The following ATP13A3 variants were observed in gnomAD, a reference collection of about 807,000 sequenced individuals.
ATP13A3 encodes the protein polyamine-transporting ATPase 13A3.
ATP13A3 carries 59 observed loss-of-function variants against 158.1 expected under a neutral mutation model. That is an observed-to-expected ratio of 0.37 (90% CI 0.30 to 0.46). The LOEUF is 0.46. Among genes scored for constraint, ATP13A3 ranks in the 20% least tolerant of loss-of-function variants. The pLI, the probability that ATP13A3 is intolerant of heterozygous loss-of-function variation, is 1.00. For synonymous variants in ATP13A3, 491 were observed against 504.3 expected, an observed-to-expected ratio of 0.97 and a Z score of 0.35; for missense variants, 1,166 against 1,525.2, an observed-to-expected ratio of 0.76 and a Z score of 3.92.
chr3:194,439,190 T>C (rs1423049633), intron 16 of ATP13A3, among the ~76,000 whole-genome samples: 8 of 152,112 alleles, frequency 5.3e-5, no homozygotes, highest in African/African-American at 1.9e-4. Context: ...TAGCAACCCA[T>C]GGGAGAAGGG....
Position 194,453,762 on chromosome 3 carries a change from T to C in ATP13A3, c.782A>G (p.His261Arg). ...GGTACTATGAGTTGCCACCATGTCA[T>C]GCAACATAACATATTGCTGAAAGAG... Reference protein sequence around the residue: ...YSIRKQYVMLHDMVATHSTVR... With the variant: ...YSIRKQYVMLRDMVATHSTVR... Residue 261 changes from histidine to arginine, a missense_variant, in exon 10 of 34, where the codon CAT (histidine) becomes CGT (arginine). By Grantham distance (29) the His-to-Arg change is conservative. Coordinates refer to ENST00000645319, the MANE Select transcript of ATP13A3 (RefSeq NM_001367549.1). 6.2e-7 allele frequency: 1 copy of C among 1,613,686 alleles called. No homozygotes were observed. Among genetic ancestry groups the C allele is most frequent in the Non-Finnish European group, 8.5e-7 (1 of 1,179,678 alleles).
intron 8 of ATP13A3, among the ~76,000 whole-genome samples, chr3:194,454,810 C>T (rs940786652): frequency 6.9e-5 from 10 of 145,302 alleles, no homozygotes; most frequent in African/African-American, 2.6e-5. Flanking sequence ...GGAGACAGAG[C>T]GAGACTCCGT....
At chr3:194,414,985 T>C (rs1577026988) in intron 31 of ATP13A3, among the ~76,000 whole-genome samples, 1 of 152,118 alleles carries the variant, frequency 6.6e-6, no homozygotes, top group East Asian at 1.9e-4. Flanking sequence ...CTAGGGGATA[T>C]CACCAGAATG....
chr3:194,436,988 C>A (rs1577054918), intron 20 of ATP13A3, 107 bp downstream of exon 20: 2 of 1,315,054 alleles, frequency 1.5e-6, no homozygotes, highest in East Asian at 2.3e-5. Context: ...TATTAGATAT[C>A]TTTTCATACA....
In ATP13A3 at chr3:194,410,325, A is replaced by AAAAC. The variant is rs1560066831; in HGVS notation, c.3573+1873_3573+1874insGTTT. On this transcript the variant is annotated intron_variant, in intron 33 of 33. Transcript: ENST00000645319. ...AAAAAAAAAAAAAAAAAAAAAAAAA[A>AAAAC]AAAAAACTGCTGGGCCTGGGATGGC... Among the ~76,000 whole-genome samples the AAAAC allele has an allele frequency of 1.0e-4, 15 of 146,742 alleles. No individual in the cohort carries two copies. In the South Asian group the frequency reaches 1.3e-3, roughly 13 times the overall value.
chr3:194,483,757 A>T (rs1273553368), intron 2 of ATP13A3, among the ~76,000 whole-genome samples: 1 of 152,234 alleles, frequency 6.6e-6, no homozygotes, highest in East Asian at 1.9e-4. Context: ...GGTAACACCA[A>T]GAAGAAATTT....
chr3:194,454,167 T>C lies in ATP13A3; in HGVS notation c.765+91A>G, dbSNP rs1280890584. ...ACTAAAATAATGACTGCATTGAGAA[T>C]TTACTTTGTGCTGAGTACTATTCTA... is the stretch of plus-strand genomic sequence containing the variant. On this transcript the variant is annotated intron_variant, in intron 9 of 33. Transcript: ENST00000645319. 93 of 1,250,568 alleles carry C rather than the reference T, an allele frequency of 7.4e-5. No individual in the cohort carries two copies. In the East Asian group the frequency reaches 2.1e-3, roughly 28 times the overall value. The allele number at this position is 1,250,568 out of a possible 1,614,324, so 77.5% of individuals were successfully genotyped here. A position where few individuals can be genotyped will look rare whatever the true frequency, so the allele number is the denominator to read the frequency against.
In ATP13A3 at chr3:194,412,513, T is replaced by C. The variant is rs1715517423; in HGVS notation, c.3484-225A>G. The C allele has an allele frequency of 5.9e-6, 3 of 508,160 alleles. No individual in the cohort carries two copies. In the East Asian group the frequency reaches 1.0e-4, roughly 17 times the overall value. The allele number at this position is 508,160 out of a possible 1,614,324, so 31.5% of individuals were successfully genotyped here. On this transcript the variant is annotated intron_variant, in intron 32 of 33. Coordinates refer to ENST00000645319, the MANE Select transcript of ATP13A3 (RefSeq NM_001367549.1). ...TTGATAAAATGAGACTTCTAAATTT[T>C]CCATGAAATATGGCTTTTGTATAAA...
At chr3:194,409,178 A>G (rs1715169913) in intron 33 of ATP13A3, among the ~76,000 whole-genome samples, 1 of 152,202 alleles carries the variant, frequency 6.6e-6, no homozygotes, top group Admixed American at 6.5e-5. Context: ...TACGCTTAGC[A>G]ATGTCTTTTA....
intron 15 of ATP13A3, 39 bp downstream of exon 15, chr3:194,444,686 A>C (rs1037281591): frequency 6.6e-7 from 1 of 1,510,290 alleles, no homozygotes. Context: ...AAAATATTAA[A>C]AATAAACTAA....
Position 194,406,528 on chromosome 3 carries a change from C to T in ATP13A3, c.3574-412G>A, listed in dbSNP as rs1714948878. ...TTTTATATACCTATACTCTTGTGTA[C>T]TAATACCTTTTAAATAACTTGCAGA... is the stretch of plus-strand genomic sequence containing the variant. On this transcript the variant is annotated intron_variant, in intron 33 of 33. Transcript: ENST00000645319. 2.0e-5 allele frequency among the ~76,000 whole-genome samples: 3 copies of T among 152,232 alleles called. No individual in the cohort carries two copies. The South Asian group carries it at 6.2e-4, about 32-fold the overall frequency.
chr3:194,419,017 G>T (rs1716097910), intron 31 of ATP13A3, among the ~76,000 whole-genome samples: 1 of 152,090 alleles, frequency 6.6e-6, no homozygotes, highest in South Asian at 2.1e-4. Context: ...TACACTGAAA[G>T]ACATGTAAAA....
At chr3:194,459,075 C>A in intron 6 of ATP13A3, 1 of 163,054 alleles carries the variant, frequency 6.1e-6, no homozygotes, top group South Asian at 1.8e-4. Context: ...AATTAAATTT[C>A]TCTTTGCCTA....
intron 30 of ATP13A3, 76 bp downstream of exon 30, chr3:194,425,266 C>T (rs1716680326): frequency 7.7e-7 from 1 of 1,301,980 alleles, no homozygotes; most frequent in South Asian, 1.3e-5. Context: ...GTGGCAAAGA[C>T]AGTTATAATT....
At chr3:194,493,683 A>T (rs1577103411) in intron 2 of ATP13A3, among the ~76,000 whole-genome samples, 2 of 152,260 alleles carry the variant, frequency 1.3e-5, no homozygotes, top group Middle Eastern at 3.4e-3. Flanking sequence ...TATTTGTCTC[A>T]CTGCATTTAC....
rs1172401368 is a variant in ATP13A3, at chr3:194,427,194, T to C, written c.3006A>G (p.Ile1002Met). Residue 1002 changes from isoleucine to methionine, a missense_variant, in exon 29 of 34, where the codon ATA becomes ATG. Physicochemically the swap from Ile to Met is conservative, Grantham distance 10 (BLOSUM62 1). Coordinates refer to ENST00000645319, the MANE Select transcript of ATP13A3 (RefSeq NM_001367549.1). ...AAACGGAGAAGAGAAGGGCCCCAGA[T>C]ATAAGACCCGAAGGTGGTCTTTGTG... ...LVAQRPPSGL[I>M]SGALLFSVLS... The C allele has an allele frequency of 8.1e-6, 13 of 1,613,430 alleles. No individual in the cohort carries two copies. In the East Asian group the frequency reaches 1.6e-4, roughly 19 times the overall value.
At chr3:194,408,890 C>T (rs1331827629) in intron 33 of ATP13A3, among the ~76,000 whole-genome samples, 1 of 151,862 alleles carries the variant, frequency 6.6e-6, no homozygotes, top group Non-Finnish European at 1.5e-5. Context: ...AATCAGCCAG[C>T]GGGGAGATGA....
At position 194,412,247 on chromosome 3, in the gene ATP13A3, G is replaced by A. The variant is rs1180557018; in HGVS notation, c.3525C>T (p.Asn1175=). Residue 1175 remains asparagine, a synonymous_variant, in exon 33 of 34, where the codon AAC becomes AAT. Coordinates refer to ENST00000645319, the MANE Select transcript of ATP13A3 (RefSeq NM_001367549.1). ...LDMVLWKVVF[N]RDKQGEYRFS... ...ACCGATACTCTCCTTGTTTGTCTCG[G>A]TTGAACACAACTTTCCAAAGGACCA... 6.5e-7 allele frequency: 1 copy of A among 1,536,330 alleles called. No individual in the cohort carries two copies. Among genetic ancestry groups the A allele is most frequent in the Non-Finnish European group, 8.7e-7 (1 of 1,146,988 alleles).
intron 31 of ATP13A3, among the ~76,000 whole-genome samples, chr3:194,419,126 A>C (rs1042895043): frequency 6.6e-6 from 1 of 152,222 alleles, no homozygotes; most frequent in East Asian, 1.9e-4. Context: ...TACAGCAATG[A>C]AAATAAAATA....
Sources: allele counts gnomAD v4.1 joint callset (sites outside exome capture counted in the v4.1 genomes callset), GRCh38; gene constraint gnomAD v4.1.1; transcripts MANE v1.5; gene names NCBI Gene and HGNC (gene_info 2026-07-23, HGNC 2026-07-21).